The following MEGF8 variants were observed in gnomAD, a reference collection of about 807,000 sequenced individuals.
MEGF8 encodes the protein multiple EGF like domains 8.
MEGF8 carries 156 observed loss-of-function variants against 302.9 expected under a neutral mutation model. The observed-to-expected ratio is 0.52, with a 90% CI of 0.45 to 0.59. The LOEUF (loss-of-function observed/expected upper bound fraction) is 0.59. MEGF8 is among the 20% of genes least tolerant of loss of function. MEGF8 has a pLI of 0.00. For missense variants in MEGF8, 3,345 were observed against 3,964.5 expected, an observed-to-expected ratio of 0.84 and a Z score of 4.20; for synonymous variants, 1,621 against 1,660.5, an observed-to-expected ratio of 0.98 and a Z score of 0.58.
Position 42,356,011 on chromosome 19 carries a change from GGT to G in MEGF8, c.4392+8_4392+9del. 1 of 1,609,510 alleles carries G rather than the reference GGT, an allele frequency of 6.2e-7. No homozygotes were observed. The highest frequency in any genetic ancestry group is 8.5e-7 in the Non-Finnish European group (1 of 1,176,718). On this transcript the variant is annotated splice_region_variant and intron_variant, in intron 24 of 41. Transcript: ENST00000251268. This position sits in a 1 kb window ranked among gnomAD's most constrained non-coding sequence, Gnocchi z 5.2. ...GGGCAGGAACTTGTAACCAGGTACA[GGT>G]GGGAGAGGGCAAGTCTGGTGGGACA...
rs34475546 is a variant in MEGF8, at chr19:42,362,396, C to A, written c.5857C>A (p.Arg1953Ser). 1.9e-6 allele frequency: 3 copies of A among 1,613,900 alleles called. No individual in the cohort carries two copies. The highest frequency in any genetic ancestry group is 2.5e-6 in the Non-Finnish European group (3 of 1,179,874). Reference sequence around the variant, plus strand: ...CTTCCCTCACCAGGCGTCCACCCCCCGCTGTAAGTGGTGTACCAACTGCCC... The same window carrying A: ...CTTCCCTCACCAGGCGTCCACCCCCAGCTGTAAGTGGTGTACCAACTGCCC... Reference protein sequence around the residue: ...QPGDGEASTPRCKWCTNCPEG... With the variant: ...QPGDGEASTPSCKWCTNCPEG... The change falls in exon 34 of 42, where the codon CGC becomes AGC. Residue 1953 changes from arginine (R) to serine (S), a missense_variant. Transcript: ENST00000251268.
Position 42,356,015 on chromosome 19 carries a change from G to T in MEGF8, c.4392+10G>T. On this transcript the variant is annotated intron_variant, in intron 24 of 41. Coordinates refer to ENST00000251268, the MANE Select transcript of MEGF8 (RefSeq NM_001271938.2). The surrounding 1 kb of genome is among the most constrained non-coding windows in gnomAD (Gnocchi z 5.2). ...AGGAACTTGTAACCAGGTACAGGTG[G>T]GAGAGGGCAAGTCTGGTGGGACAGG... 6.2e-7 allele frequency: 1 copy of T among 1,609,126 alleles called. No homozygotes were observed.
chr19:42,373,706 G>GTTTTTTTTTTTT (rs750576656), intron 41 of MEGF8, among the ~76,000 whole-genome samples: 1 of 100,988 alleles, frequency 9.9e-6, no homozygotes, highest in African/African-American at 3.7e-5. Flanking sequence ...GGGCTTTTGG[G>GTTTTTTTTTTTT]TTTTTTTTTT....
In MEGF8 at chr19:42,356,600, C is replaced by G; in HGVS notation, c.4622+147C>G. The G allele has an allele frequency of 1.0e-6, 1 of 964,242 alleles. No homozygotes were observed. Among genetic ancestry groups the G allele is most frequent in the Non-Finnish European group, 1.5e-6 (1 of 664,424 alleles). The allele number at this position is 964,242 out of a possible 1,614,324, so 59.7% of individuals were successfully genotyped here. On this transcript the variant is annotated intron_variant, in intron 26 of 41. Coordinates refer to ENST00000251268, the MANE Select transcript of MEGF8 (RefSeq NM_001271938.2). This position sits in a 1 kb window ranked among gnomAD's most constrained non-coding sequence, Gnocchi z 5.2. Reference sequence around the variant, plus strand: ...GGACACTTGTCACAGGAAGCTCACCCGGGGACACTTGGGGACCAGGGTACT... The same window carrying G: ...GGACACTTGTCACAGGAAGCTCACCGGGGGACACTTGGGGACCAGGGTACT...
Position 42,344,058 on chromosome 19 carries a change from G to C in MEGF8, c.1773G>C (p.Gly591=). 1 of 1,613,374 alleles carries C rather than the reference G, an allele frequency of 6.2e-7. No homozygotes were observed. Among genetic ancestry groups the C allele is most frequent in the Non-Finnish European group, 8.5e-7 (1 of 1,179,704 alleles). The change falls in exon 10 of 42, where the codon GGG becomes GGC. Residue 591 remains glycine (G), a synonymous_variant. Coordinates refer to ENST00000251268, the MANE Select transcript of MEGF8 (RefSeq NM_001271938.2). This position sits in a 1 kb window ranked among gnomAD's most constrained non-coding sequence, Gnocchi z 4.5. ...QGACQAAPPP[G]TPLGACPAAS... ...CCTGCCAAGCTGCACCCCCTCCTGG[G>C]ACCCCCTTGGGGGCTGTGAGTGACA...
In MEGF8 at chr19:42,371,375, A is replaced by T; in HGVS notation, c.7162A>T (p.Thr2388Ser). ...TKCQCNGHAD[T>S]CNEQDGTGCP... ...ATGCCAGTGTAATGGCCACGCGGAC[A>T]CATGTAACGAGCAGGATGGGACGGG... Residue 2388 changes from threonine to serine, a missense_variant, in exon 41 of 42, where the codon ACA (threonine) becomes TCA (serine). Physicochemically the swap from Thr to Ser is moderately conservative, Grantham distance 58. Transcript: ENST00000251268. 1 of 1,613,952 alleles carries T rather than the reference A, an allele frequency of 6.2e-7. No individual in the cohort carries two copies. The highest frequency in any genetic ancestry group is 1.3e-5 in the African/African-American group (1 of 75,058).
At chr19:42,371,268 C>T in intron 40 of MEGF8, 82 bp from the exon 41 acceptor site, 20 of 1,529,896 alleles carry the variant, frequency 1.3e-5, no homozygotes, top group Non-Finnish European at 1.7e-5. Context: ...GCCTGTTGCA[C>T]AGAGTTGAGC....
rs1490226260 is a variant in MEGF8, at chr19:42,353,378, G to T, written c.3551-87G>T. ...GGTTTCTCACCTTTGAAGCGGCTGG[G>T]TGGGGTCAGGGTTTAGCTGAGCCAG... is the stretch of plus-strand genomic sequence containing the variant. On this transcript the variant is annotated intron_variant, in intron 20 of 41. Transcript: ENST00000251268. This position sits in a 1 kb window ranked among gnomAD's most constrained non-coding sequence, Gnocchi z 6.1. The T allele has an allele frequency of 1.4e-5, 20 of 1,440,340 alleles. No homozygotes were observed. In the East Asian group the frequency reaches 1.7e-4, roughly 12 times the overall value. The allele number at this position is 1,440,340 out of a possible 1,614,324, so 89.2% of individuals were successfully genotyped here.
At position 42,333,704 on chromosome 19, in the gene MEGF8, G is replaced by A. The variant is rs780016069; in HGVS notation, c.287G>A (p.Gly96Glu). The change falls in exon 2 of 42, where the codon GGG becomes GAG. Residue 96 changes from glycine to glutamate, a missense_variant. Gly to Glu is a moderately conservative substitution (Grantham distance 98). Coordinates refer to ENST00000251268, the MANE Select transcript of MEGF8 (RefSeq NM_001271938.2). ...LFVYDGDSPR[G>E]PLLASLSGST... Reference sequence around the variant, plus strand: ...GTGTATGACGGTGACTCCCCGCGAGGGCCGCTGCTTGCCAGTCTAAGTGGG... The same window carrying A: ...GTGTATGACGGTGACTCCCCGCGAGAGCCGCTGCTTGCCAGTCTAAGTGGG... The A allele has an allele frequency of 6.2e-7, 1 of 1,614,002 alleles. No individual in the cohort carries two copies. The highest frequency in any genetic ancestry group is 2.2e-5 in the East Asian group (1 of 44,884).
rs1044165411 is a variant in MEGF8, at chr19:42,325,759, C to T, written c.-485C>T. The T allele has an allele frequency of 6.5e-6, 1 of 154,948 alleles. No individual in the cohort carries two copies. The highest frequency in any genetic ancestry group is 2.4e-5 in the African/African-American group (1 of 41,542). 9.6% of individuals were successfully genotyped at this position (154,948 alleles called of 1,614,324 possible). The stretch of plus-strand genomic sequence containing the variant: ...CTCCGCCCCCGGCACCCGCTCGCGC[C>T]CCGCCCCCGGCTGGAGGAGTCTCTC... On this transcript the variant is annotated 5_prime_UTR_variant, in exon 1 of 42. Transcript: ENST00000251268.
chr19:42,331,316 A>C (rs1030648536), intron 1 of MEGF8, among the ~76,000 whole-genome samples: 9 of 152,146 alleles, frequency 5.9e-5, no homozygotes, highest in African/African-American at 2.2e-4. Flanking sequence ...AGATAGGCAC[A>C]CTGAGGGTCA....
chr19:42,343,343 G>A, intron 8 of MEGF8, 134 bp from the exon 9 acceptor site: 1 of 925,678 alleles, frequency 1.1e-6, no homozygotes, highest in South Asian at 2.2e-5. Flanking sequence ...GGCTGGGAGA[G>A]TGTCCTTGGG....
rs1201253879 is a variant in MEGF8 at position 42,354,852 on chromosome 19, T to C, written c.4144+132T>C. 1.0e-6 allele frequency: 1 copy of C among 996,528 alleles called. No individual in the cohort carries two copies. The highest frequency in any genetic ancestry group is 1.6e-5 in the African/African-American group (1 of 61,026). The allele number at this position is 996,528 out of a possible 1,614,324, so 61.7% of individuals were successfully genotyped here. A position where few individuals can be genotyped will look rare whatever the true frequency, so the allele number is the denominator to read the frequency against. The stretch of plus-strand genomic sequence containing the variant: ...TGGGGTGATGTAGTCCCTCACCATC[T>C]CTGGACCTCAGTGTCCTTAGTTGAG... On this transcript the variant is annotated intron_variant, in intron 23 of 41. Coordinates refer to ENST00000251268, the MANE Select transcript of MEGF8 (RefSeq NM_001271938.2). The surrounding 1 kb of genome is among the most constrained non-coding windows in gnomAD (Gnocchi z 4.3).
intron 38 of MEGF8, 22 bp from the exon 39 acceptor site, chr19:42,370,167 C>T (rs1413013277): frequency 6.3e-7 from 1 of 1,598,260 alleles, no homozygotes; most frequent in Non-Finnish European, 8.5e-7. Flanking sequence ...GCCTCTCTAA[C>T]TACCCTGTCC....
chr19:42,339,795 A>C (rs1358694069), intron 8 of MEGF8, among the ~76,000 whole-genome samples: 1 of 152,204 alleles, frequency 6.6e-6, no homozygotes, highest in African/African-American at 2.4e-5. Flanking sequence ...GCAGTGGCTC[A>C]CACCTGTAAT....
chr19:42,327,352 T>C (rs1323091931), intron 1 of MEGF8, among the ~76,000 whole-genome samples: 1 of 152,140 alleles, frequency 6.6e-6, no homozygotes, highest in African/African-American at 2.4e-5. Flanking sequence ...AACACATTAA[T>C]AGTGAGAGAC....
rs1399977095 is a variant in MEGF8, at chr19:42,344,903, G to T, written c.2097+70G>T. 7.0e-7 allele frequency: 1 copy of T among 1,423,800 alleles called. No homozygotes were observed. Among genetic ancestry groups the T allele is most frequent in the Non-Finnish European group, 9.4e-7 (1 of 1,067,552 alleles). 88.2% of individuals were successfully genotyped at this position (1,423,800 alleles called of 1,614,324 possible). On this transcript the variant is annotated intron_variant, in intron 12 of 41. Coordinates refer to ENST00000251268, the MANE Select transcript of MEGF8 (RefSeq NM_001271938.2). This position sits in a 1 kb window ranked among gnomAD's most constrained non-coding sequence, Gnocchi z 4.5. ...TCCTAGGGTTTGTTTTTTCTCAAAT[G>T]CATCTTTATCACTCTTATGTTTACT...
rs1252062676 is a variant in MEGF8, at chr19:42,356,090, G to T, written c.4400G>T (p.Gly1467Val). The change falls in exon 25 of 42, where the codon GGT becomes GTT. Residue 1467 changes from glycine (G) to valine (V), a missense_variant. Physicochemically the swap from Gly to Val is moderately radical, Grantham distance 109. Coordinates refer to ENST00000251268, the MANE Select transcript of MEGF8 (RefSeq NM_001271938.2). This position sits in a 1 kb window ranked among gnomAD's most constrained non-coding sequence, Gnocchi z 5.2. Reference protein sequence around the residue: ...TGAGTCNQSLGVCICAEGFGG... With the variant: ...TGAGTCNQSLVVCICAEGFGG... Reference sequence around the variant, plus strand: ...TCCCTTGTCATCCCCCAGAGCCTGGGTGTGTGCATCTGTGCCGAGGGCTTC... The same window carrying T: ...TCCCTTGTCATCCCCCAGAGCCTGGTTGTGTGCATCTGTGCCGAGGGCTTC... 2 of 1,589,426 alleles carry T rather than the reference G, an allele frequency of 1.3e-6. No homozygotes were observed. The highest frequency in any genetic ancestry group is 1.7e-6 in the Non-Finnish European group (2 of 1,165,164).
chr19:42,367,282 CTT>C lies in MEGF8; in HGVS notation c.6274-1171_6274-1170del, dbSNP rs1307246939. Among the ~76,000 whole-genome samples the C allele has an allele frequency of 2.8e-3, 416 of 150,502 alleles. 2 individuals are homozygous for C. The highest frequency in any genetic ancestry group is 9.8e-3 in the African/African-American group (404 of 41,082). On this transcript the variant is annotated intron_variant, in intron 35 of 41. Transcript: ENST00000251268. ...ACATTTGTTCTTTTTCTTGTCTTTT[CTT>C]TCTTTCTTTTTTTTTTTTTTTTGAG...
Sources: gnomAD v4.1 joint callset for allele counts (sites outside exome capture counted in the v4.1 genomes callset) on GRCh38, gnomAD v4.1.1 for gene constraint, Gnocchi (gnomAD v3.1) non-coding constraint, MANE v1.5 for transcripts, NCBI Gene and HGNC (gene_info 2026-07-23, HGNC 2026-07-21) for gene names.